Variants in PRKD1 observed in about 807,000 individuals in gnomAD.
The protein encoded by PRKD1 is protein kinase D1, also known as serine/threonine-protein kinase D1.
A neutral mutation model predicts 95.9 loss-of-function variants in PRKD1; 63 were observed. That is an observed-to-expected ratio of 0.66 (90% CI 0.54 to 0.81). The LOEUF (loss-of-function observed/expected upper bound fraction) is 0.81. Ranked by LOEUF, PRKD1 falls within the 30% of genes least tolerant of loss-of-function variation. PRKD1 has a pLI of 0.00. For missense variants in PRKD1, 1,048 were observed against 1,165.3 expected, an observed-to-expected ratio of 0.90 and a Z score of 1.47; for synonymous variants, 425 against 423.1, an observed-to-expected ratio of 1.00 and a Z score of -0.05.
At chr14:29,587,900 C>T (rs1022552984) in intron 16 of PRKD1, among the ~76,000 whole-genome samples, 1 of 152,162 alleles carries the variant, frequency 6.6e-6, no homozygotes, top group East Asian at 1.9e-4. Context: ...AGTGGAGGTT[C>T]TGACCACCAT....
intron 2 of PRKD1, among the ~76,000 whole-genome samples, chr14:29,679,841 C>T (rs531706853): frequency 4.6e-5 from 7 of 151,966 alleles, no homozygotes; most frequent in Admixed American, 2.0e-4. Flanking sequence ...AATTCTCCTG[C>T]CTCAGCCTCC....
chr14:29,703,299 A>G (rs547224724), intron 2 of PRKD1, among the ~76,000 whole-genome samples: 2 of 152,290 alleles, frequency 1.3e-5, no homozygotes, highest in South Asian at 4.1e-4. Context: ...TCAGCCTTCA[A>G]GGAATCCACT....
chr14:29,917,290 A>G (rs74716280), intron 1 of PRKD1, among the ~76,000 whole-genome samples: 3,486 of 152,276 alleles, frequency 0.023, 58 homozygotes, highest in South Asian at 0.047. Flanking sequence ...AACCTAGGAA[A>G]AGGCTCTGTA....
intron 1 of PRKD1, among the ~76,000 whole-genome samples, chr14:29,873,679 C>A (rs1042244951): frequency 6.6e-6 from 1 of 151,970 alleles, no homozygotes; most frequent in Non-Finnish European, 1.5e-5. Flanking sequence ...TTATTTTTTT[C>A]ATCAGTAGTT....
intron 1 of PRKD1, among the ~76,000 whole-genome samples, chr14:29,797,621 G>T (rs963840848): frequency 6.6e-6 from 1 of 151,914 alleles, no homozygotes; most frequent in Non-Finnish European, 1.5e-5. Context: ...ACTACCCAAG[G>T]GTGCCACTAT....
At chr14:29,769,527 T>A (rs2139134164) in intron 1 of PRKD1, among the ~76,000 whole-genome samples, 1 of 152,088 alleles carries the variant, frequency 6.6e-6, no homozygotes, top group East Asian at 1.9e-4. Flanking sequence ...ACCACTGCAC[T>A]CCAGCCTAGG....
chr14:29,747,600 C>T (rs570008757), intron 1 of PRKD1, among the ~76,000 whole-genome samples: 11 of 152,020 alleles, frequency 7.2e-5, no homozygotes, highest in African/African-American at 1.7e-4. Context: ...ATACATACAA[C>T]GTAATATTAT....
chr14:29,779,785 T>C (rs1888956894), intron 1 of PRKD1, among the ~76,000 whole-genome samples: 3 of 152,146 alleles, frequency 2.0e-5, no homozygotes, highest in Admixed American at 2.0e-4. Flanking sequence ...TGGAAAAAAC[T>C]ACTTTAAAGT....
At chr14:29,633,998 G>A (rs1317623440) in intron 8 of PRKD1, among the ~76,000 whole-genome samples, 1 of 152,168 alleles carries the variant, frequency 6.6e-6, no homozygotes, top group African/African-American at 2.4e-5. Context: ...GTTCCTGAAT[G>A]GGTCAGTTCT....
At chr14:29,719,902 G>A (rs1263490994) in intron 2 of PRKD1, among the ~76,000 whole-genome samples, 1 of 152,088 alleles carries the variant, frequency 6.6e-6, no homozygotes, top group African/African-American at 2.4e-5. Context: ...GCTCAGAGAG[G>A]GGAAAAAGTA....
intron 1 of PRKD1, among the ~76,000 whole-genome samples, chr14:29,783,278 C>A (rs1469501145): frequency 6.6e-6 from 1 of 152,176 alleles, no homozygotes; most frequent in Non-Finnish European, 1.5e-5. Flanking sequence ...TGGCTTATTT[C>A]ACTTAACATA....
intron 1 of PRKD1, among the ~76,000 whole-genome samples, chr14:29,904,952 T>TG (rs1222509248): frequency 1.3e-5 from 2 of 152,182 alleles, no homozygotes; most frequent in Non-Finnish European, 2.9e-5. Context: ...CAATAATTTG[T>TG]GGGGAATACG....
chr14:29,788,454 A>G (rs1357583210), intron 1 of PRKD1, among the ~76,000 whole-genome samples: 1 of 152,184 alleles, frequency 6.6e-6, no homozygotes, highest in Non-Finnish European at 1.5e-5. Flanking sequence ...CTGAGTATCT[A>G]TATCTCTTGC....
In PRKD1 at chr14:29,927,784, C is replaced by A. The variant is rs1470621013; in HGVS notation, c.-272G>T. 6.0e-6 allele frequency: 1 copy of A among 167,376 alleles called. No homozygotes were observed. The highest frequency in any genetic ancestry group is 1.3e-5 in the Non-Finnish European group (1 of 78,898). 10.4% of individuals were successfully genotyped at this position (167,376 alleles called of 1,614,324 possible). ...GCGGCAGCCGGCTCGGGGCCGCCGG[C>A]ACTGGGGAGGCGCCGCCGCCGCCAA... On this transcript the variant is annotated 5_prime_UTR_variant, in exon 1 of 18. Transcript: ENST00000331968.
At chr14:29,908,158 T>G (rs983878775) in intron 1 of PRKD1, among the ~76,000 whole-genome samples, 29 of 150,172 alleles carry the variant, frequency 1.9e-4, no homozygotes, top group South Asian at 1.1e-3. Context: ...AAAAAAAAAC[T>G]TATGCACTTG....
chr14:29,752,732 C>T (rs996342570), intron 1 of PRKD1, among the ~76,000 whole-genome samples: 9 of 152,042 alleles, frequency 5.9e-5, no homozygotes, highest in African/African-American at 1.7e-4. Context: ...ATTAACACAG[C>T]GATTTAATTT....
chr14:29,862,918 T>A (rs1463802903), intron 1 of PRKD1, among the ~76,000 whole-genome samples: 3 of 152,200 alleles, frequency 2.0e-5, no homozygotes, highest in African/African-American at 7.2e-5. Context: ...TATGGGGTAT[T>A]ACTCAATAAA....
intron 1 of PRKD1, among the ~76,000 whole-genome samples, chr14:29,916,048 C>T (rs1458217086): frequency 6.6e-6 from 1 of 152,152 alleles, no homozygotes; most frequent in Non-Finnish European, 1.5e-5. Flanking sequence ...AGGTTTTGTT[C>T]CTGGAGGCTC....
At chr14:29,706,541 C>T (rs1384522294) in intron 2 of PRKD1, among the ~76,000 whole-genome samples, 1 of 152,092 alleles carries the variant, frequency 6.6e-6, no homozygotes, top group Non-Finnish European at 1.5e-5. Flanking sequence ...CCCATGACAA[C>T]AATCAGCGTG....
Sources: gnomAD v4.1 joint callset for allele counts (sites outside exome capture counted in the v4.1 genomes callset) on GRCh38, gnomAD v4.1.1 for gene constraint, MANE v1.5 for transcripts, NCBI Gene and HGNC (gene_info 2026-07-23, HGNC 2026-07-21) for gene names.